Variants in FRMPD1 observed in about 807,000 individuals in gnomAD.
FRMPD1 encodes FERM and PDZ domain containing 1.
Under a neutral mutation model 117.8 loss-of-function variants are expected in FRMPD1, and 76 were observed. The ratio of observed to expected loss-of-function variants is 0.65; its 90% confidence interval spans 0.54 to 0.78. The LOEUF (loss-of-function observed/expected upper bound fraction) is 0.78. FRMPD1 is among the 30% of genes least tolerant of loss of function. The pLI, the probability that FRMPD1 is intolerant of heterozygous loss-of-function variation, is 0.00. For synonymous variants in FRMPD1, 783 were observed against 770.4 expected, an observed-to-expected ratio of 1.02 and a Z score of -0.27; for missense variants, 1,786 against 1,964.5, an observed-to-expected ratio of 0.91 and a Z score of 1.72.
At chr9:37,644,005 T>G in the FRMPD1 span, among the ~76,000 whole-genome samples, 1 of 152,232 alleles carries the variant, frequency 6.6e-6, no homozygotes. Flanking sequence ...TGCTGAGCTG[T>G]GTACCCTAGT....
intron 1 of FRMPD1, among the ~76,000 whole-genome samples, chr9:37,692,371 A>G (rs1436144205): frequency 6.6e-6 from 1 of 152,080 alleles, no homozygotes; most frequent in Non-Finnish European, 1.5e-5. Flanking sequence ...AGTTTGAGAA[A>G]CGTTATCTAT....
chr9:37,698,446 C>CCCA (rs1364853134), intron 2 of FRMPD1, among the ~76,000 whole-genome samples: 1 of 151,564 alleles, frequency 6.6e-6, no homozygotes, highest in Admixed American at 6.6e-5. Context: ...GGAGATTGGA[C>CCCA]CTGTTTCTGG....
Position 37,731,174 on chromosome 9 carries a change from G to A in FRMPD1, c.858+71G>A, listed in dbSNP as rs566323762. ...GATGGTGCACTGGGTGATTTTGAAC[G>A]TGAGCTCGAGGCCATTAAACAACTC... On this transcript the variant is annotated intron_variant, in intron 9 of 15. Transcript: ENST00000377765. 4.4e-5 allele frequency: 63 copies of A among 1,418,634 alleles called. No homozygotes were observed. The African/African-American group carries it at 5.9e-4, about 13-fold the overall frequency. The allele number at this position is 1,418,634 out of a possible 1,614,324, so 87.9% of individuals were successfully genotyped here. A position where few individuals can be genotyped will look rare whatever the true frequency, so the allele number is the denominator to read the frequency against.
At chr9:37,656,903 T>A (rs553115819) in intron 1 of FRMPD1, among the ~76,000 whole-genome samples, 1 of 150,432 alleles carries the variant, frequency 6.6e-6, no homozygotes, top group East Asian at 2.0e-4. Flanking sequence ...AAATGGTATG[T>A]GGCCTTAATA....
At chr9:37,654,653 T>C (rs1820785862) in intron 1 of FRMPD1, among the ~76,000 whole-genome samples, 1 of 152,064 alleles carries the variant, frequency 6.6e-6, no homozygotes. Flanking sequence ...AAAAGTTCAA[T>C]TGAGGGTGAG....
chr9:37,740,796 G>A lies in FRMPD1; in HGVS notation c.2268G>A (p.Leu756=). The change falls in exon 15 of 16, where the codon CTG becomes CTA. Residue 756 remains leucine, a synonymous_variant. Coordinates refer to ENST00000377765, the MANE Select transcript of FRMPD1 (RefSeq NM_014907.3). The surrounding 1 kb of genome is among the most constrained non-coding windows in gnomAD (Gnocchi z 4.2). ...GTTCCATGCTGGAACCCCTGGCCCT[G>A]CACCCACCACTGGCCTTTGAGGATG... ...QPSSMLEPLA[L]HPPLAFEDGS... is the part of the protein sequence containing the mutation. 6.2e-7 allele frequency: 1 copy of A among 1,614,120 alleles called. No individual in the cohort carries two copies. The highest frequency in any genetic ancestry group is 8.5e-7 in the Non-Finnish European group (1 of 1,179,970).
At chr9:37,667,536 G>C (rs2119406007) in intron 1 of FRMPD1, among the ~76,000 whole-genome samples, 1 of 150,914 alleles carries the variant, frequency 6.6e-6, no homozygotes, top group South Asian at 2.1e-4. Flanking sequence ...AAAATAGCCA[G>C]GCATGGTGGC....
chr9:37,711,577 T>G (rs1345079550), intron 5 of FRMPD1, among the ~76,000 whole-genome samples, 182 bp downstream of exon 5: 1 of 152,070 alleles, frequency 6.6e-6, no homozygotes, highest in Non-Finnish European at 1.5e-5. Flanking sequence ...GCAAGTACTG[T>G]GGAGGAAACA....
intron 4 of FRMPD1, among the ~76,000 whole-genome samples, chr9:37,709,251 G>C (rs139527618): frequency 2.0e-4 from 31 of 151,874 alleles, no homozygotes; most frequent in African/African-American, 7.0e-4. Context: ...GAGAATCAGA[G>C]GTAGATGAAA....
At chr9:37,698,795 A>G (rs1167543641) in intron 2 of FRMPD1, among the ~76,000 whole-genome samples, 1 of 151,146 alleles carries the variant, frequency 6.6e-6, no homozygotes, top group Non-Finnish European at 1.5e-5. Context: ...CTGCGGTGCA[A>G]TGGTGCAACC....
the FRMPD1 span, among the ~76,000 whole-genome samples, chr9:37,623,941 A>G: frequency 4.6e-5 from 7 of 152,170 alleles, no homozygotes; most frequent in African/African-American, 1.4e-4. Context: ...GGGGTATTAG[A>G]TTTATTTTTG....
At chr9:37,696,418 G>T (rs959887200) in intron 2 of FRMPD1, among the ~76,000 whole-genome samples, 12 of 152,094 alleles carry the variant, frequency 7.9e-5, no homozygotes, top group African/African-American at 2.7e-4. Flanking sequence ...GTTTCACAAA[G>T]TATCGTCAGC....
Position 37,739,946 on chromosome 9 carries a change from A to G in FRMPD1, c.1550-132A>G, listed in dbSNP as rs1412590368. ...CGGATCCCGTGTTCGTCAGTATAGG[A>G]CGGTCTTAGGCCAGCCACCCTCTGG... On this transcript the variant is annotated intron_variant, in intron 14 of 15. Coordinates refer to ENST00000377765, the MANE Select transcript of FRMPD1 (RefSeq NM_014907.3). 4 of 687,824 alleles carry G rather than the reference A, an allele frequency of 5.8e-6. No homozygotes were observed. In the East Asian group the frequency reaches 9.9e-5, roughly 17 times the overall value. 42.6% of individuals were successfully genotyped at this position (687,824 alleles called of 1,614,324 possible). A position where few individuals can be genotyped will look rare whatever the true frequency, so the allele number is the denominator to read the frequency against.
At position 37,707,565 on chromosome 9, in the gene FRMPD1, T is replaced by C. The variant is rs759337102; in HGVS notation, c.251T>C (p.Val84Ala). The C allele has an allele frequency of 1.9e-6, 3 of 1,613,316 alleles. No homozygotes were observed. Among genetic ancestry groups the C allele is most frequent in the Non-Finnish European group, 2.5e-6 (3 of 1,179,482 alleles). The change falls in exon 3 of 16, where the codon GTC becomes GCC. Residue 84 changes from valine to alanine, a missense_variant. Physicochemically the swap from Val to Ala is moderately conservative, Grantham distance 64. Coordinates refer to ENST00000377765, the MANE Select transcript of FRMPD1 (RefSeq NM_014907.3). ...SESLPLTVVAVTAGGSAHGKL... is the reference protein window; with the variant it reads ...SESLPLTVVAATAGGSAHGKL... Reference sequence around the variant, plus strand: ...AGCCTTCCCCTTACAGTGGTGGCTGTCACAGCAGGTAGGGGATGACTGGGA... The same window carrying C: ...AGCCTTCCCCTTACAGTGGTGGCTGCCACAGCAGGTAGGGGATGACTGGGA...
chr9:37,678,117 A>G (rs1406806465), intron 1 of FRMPD1, among the ~76,000 whole-genome samples: 1 of 152,208 alleles, frequency 6.6e-6, no homozygotes, highest in Non-Finnish European at 1.5e-5. Context: ...AATTGGAAAG[A>G]AAGGGCAGAA....
At chr9:37,685,606 C>A (rs1163113475) in intron 1 of FRMPD1, among the ~76,000 whole-genome samples, 1 of 151,926 alleles carries the variant, frequency 6.6e-6, no homozygotes, top group Non-Finnish European at 1.5e-5. Context: ...GAGCCGAGAT[C>A]TTGCCACTGC....
Position 37,707,573 on chromosome 9 carries a change from G to C in FRMPD1, c.259G>C (p.Gly87Arg). Reference protein sequence around the residue: ...LPLTVVAVTAGGSAHGKLFPG... With the variant: ...LPLTVVAVTARGSAHGKLFPG... ...CCTTACAGTGGTGGCTGTCACAGCA[G>C]GTAGGGGATGACTGGGAAATGAGAA... is the stretch of plus-strand genomic sequence containing the variant. The change falls in exon 3 of 16, where the codon GGA (glycine) becomes CGA (arginine). Residue 87 changes from glycine to arginine, a missense_variant and splice_region_variant. By Grantham distance (125) the Gly-to-Arg change is moderately radical (BLOSUM62 -2). Transcript: ENST00000377765. 6.2e-7 allele frequency: 1 copy of C among 1,611,752 alleles called. No homozygotes were observed. The highest frequency in any genetic ancestry group is 1.3e-5 in the African/African-American group (1 of 74,958).
At position 37,711,404 on chromosome 9, in the gene FRMPD1, C is replaced by A; in HGVS notation, c.408+9C>A. 1 of 1,589,742 alleles carries A rather than the reference C, an allele frequency of 6.3e-7. No individual in the cohort carries two copies. Among genetic ancestry groups the A allele is most frequent in the Non-Finnish European group, 8.6e-7 (1 of 1,157,758 alleles). On this transcript the variant is annotated intron_variant, in intron 5 of 15. Coordinates refer to ENST00000377765, the MANE Select transcript of FRMPD1 (RefSeq NM_014907.3). ...TTGTTCGCTGCACGTCGGTAAATCTCTTTCTATGTCCTGTGTGTTAGTTTC... is the reference window on the plus strand; with the variant it reads ...TTGTTCGCTGCACGTCGGTAAATCTATTTCTATGTCCTGTGTGTTAGTTTC...
At chr9:37,736,854 TGAGA>T (rs1426187632) in intron 13 of FRMPD1, among the ~76,000 whole-genome samples, 1 of 143,316 alleles carries the variant, frequency 7.0e-6, no homozygotes, top group Non-Finnish European at 1.5e-5. Flanking sequence ...TGTGAGTGCG[TGAGA>T]GTGTGTGTGT....
Sources: allele counts gnomAD v4.1 joint callset (sites outside exome capture counted in the v4.1 genomes callset), GRCh38; gene constraint gnomAD v4.1.1; non-coding constraint Gnocchi (gnomAD v3.1); transcripts MANE v1.5; gene names NCBI Gene and HGNC (gene_info 2026-07-23, HGNC 2026-07-21).